SAMMSON: variants seen among roughly 807,000 people sequenced by gnomAD.
SAMMSON encodes long intergenic non-protein coding RNA 1212.
At chr3:70,025,454 G>T (rs1420919808) in intron 3 of SAMMSON, among the ~76,000 whole-genome samples, 1 of 152,098 alleles carries the variant, frequency 6.6e-6, no homozygotes, top group Non-Finnish European at 1.5e-5. Flanking sequence ...TGCTGACCAG[G>T]CTGGTCTTGA....
At chr3:70,271,099 T>G (rs1386440364) in intron 6 of SAMMSON, among the ~76,000 whole-genome samples, 2 of 152,010 alleles carry the variant, frequency 1.3e-5, no homozygotes, top group African/African-American at 4.8e-5. Flanking sequence ...TTATCGAAGC[T>G]GGGAAGTTGT....
chr3:70,080,034 A>G (rs985696983), intron 4 of SAMMSON, among the ~76,000 whole-genome samples: 3 of 152,214 alleles, frequency 2.0e-5, no homozygotes, highest in Non-Finnish European at 4.4e-5. Flanking sequence ...CCATGGCTAG[A>G]CTTTGCCTGG....
intron 6 of SAMMSON, among the ~76,000 whole-genome samples, chr3:70,290,600 TC>T (rs1395099856): frequency 6.6e-6 from 1 of 152,216 alleles, no homozygotes; most frequent in Non-Finnish European, 1.5e-5. Flanking sequence ...AGTTCGAGTT[TC>T]CGGGCTGTTT....
chr3:70,025,303 G>A (rs992857365), intron 3 of SAMMSON: 1 of 152,074 alleles, frequency 6.6e-6, no homozygotes, highest in Non-Finnish European at 1.5e-5. Context: ...GGAGTGCAGA[G>A]GCACAATCTC....
intron 7 of SAMMSON, among the ~76,000 whole-genome samples, chr3:70,348,464 G>T (rs530800207): frequency 6.6e-6 from 1 of 152,002 alleles, no homozygotes; most frequent in Non-Finnish European, 1.5e-5. Context: ...TCTTCACACC[G>T]CATCCTTACA....
intron 4 of SAMMSON, among the ~76,000 whole-genome samples, chr3:70,199,371 T>A (rs541419392): frequency 2.7e-5 from 4 of 150,652 alleles, no homozygotes; most frequent in Non-Finnish European, 5.9e-5. Flanking sequence ...GTAGATTTTA[T>A]TTACAAAAGA....
At chr3:70,250,446 C>CACACACAA (rs1284023911) in intron 6 of SAMMSON, among the ~76,000 whole-genome samples, 3 of 136,502 alleles carry the variant, frequency 2.2e-5, no homozygotes, top group African/African-American at 7.8e-5. Flanking sequence ...CACACACACA[C>CACACACAA]ACACAAACAC....
intron 4 of SAMMSON, among the ~76,000 whole-genome samples, chr3:70,074,015 A>T (rs1265524662): frequency 6.6e-6 from 1 of 151,882 alleles, no homozygotes; most frequent in Non-Finnish European, 1.5e-5. Context: ...CTACCATATT[A>T]TTATTATTAC....
At chr3:70,219,410 T>C (rs1280816741) in intron 4 of SAMMSON, among the ~76,000 whole-genome samples, 1 of 152,174 alleles carries the variant, frequency 6.6e-6, no homozygotes, top group Non-Finnish European at 1.5e-5. Context: ...TTTAGAGGTG[T>C]TGATTTTTGA....
At chr3:70,019,646 G>C (rs1314688759) in intron 3 of SAMMSON, among the ~76,000 whole-genome samples, 3 of 152,142 alleles carry the variant, frequency 2.0e-5, no homozygotes, top group African/African-American at 7.2e-5. Flanking sequence ...TGGTTATTCT[G>C]CTCGTCAGTT....
intron 4 of SAMMSON, among the ~76,000 whole-genome samples, chr3:70,100,955 ATT>A (rs2067343084): frequency 6.6e-6 from 1 of 152,226 alleles, no homozygotes; most frequent in South Asian, 2.1e-4. Flanking sequence ...TGAGAATCAC[ATT>A]GTTTATCCAA....
At chr3:70,222,418 A>G (rs1270251376) in intron 4 of SAMMSON, among the ~76,000 whole-genome samples, 1 of 152,126 alleles carries the variant, frequency 6.6e-6, no homozygotes, top group Admixed American at 6.6e-5. Flanking sequence ...TTTTAAATCT[A>G]TTTTAATAAT....
rs572631767 is a variant in SAMMSON, at chr3:70,376,343, T to G, written n.914-13231T>G. ...TCAAAATTTCCACTTGAGACATTTA[T>G]GATATGCTGGAATGAAGTTATAAAT... On this transcript the variant is annotated intron_variant and non_coding_transcript_variant, in intron 9 of 9. Transcript: ENST00000642114. 1.6e-3 allele frequency among the ~76,000 whole-genome samples: 243 copies of G among 152,338 alleles called. 1 individual carries two copies. The highest frequency in any genetic ancestry group is 2.4e-3 in the Non-Finnish European group (163 of 68,020).
intron 3 of SAMMSON, among the ~76,000 whole-genome samples, chr3:70,062,377 A>G (rs974919942): frequency 6.6e-6 from 1 of 152,094 alleles, no homozygotes; most frequent in African/African-American, 2.4e-5. Context: ...AAAACCGGAC[A>G]AATACTGGCA....
chr3:70,048,237 G>T (rs2067134280), intron 3 of SAMMSON, among the ~76,000 whole-genome samples: 1 of 151,990 alleles, frequency 6.6e-6, no homozygotes, highest in Non-Finnish European at 1.5e-5. Context: ...AGTGGAAAGG[G>T]CAAACTATTA....
chr3:70,144,466 G>T (rs2067540085), intron 4 of SAMMSON, among the ~76,000 whole-genome samples: 1 of 152,026 alleles, frequency 6.6e-6, no homozygotes, highest in Admixed American at 6.6e-5. Flanking sequence ...AGATTCCCAA[G>T]TCCATTCATT....
intron 2 of SAMMSON, among the ~76,000 whole-genome samples, chr3:70,399,335 G>T (rs1701119471): frequency 6.6e-6 from 1 of 152,142 alleles, no homozygotes; most frequent in Non-Finnish European, 1.5e-5. Context: ...GGTAGAAATT[G>T]GGAAGAGGTG....
intron 7 of SAMMSON, among the ~76,000 whole-genome samples, chr3:70,319,724 GC>G (rs1702522947): frequency 6.6e-6 from 1 of 151,924 alleles, no homozygotes; most frequent in Non-Finnish European, 1.5e-5. Flanking sequence ...ATACAAATTT[GC>G]TTAAAAGTAT....
At chr3:70,102,726 C>T (rs1209991872) in intron 4 of SAMMSON, among the ~76,000 whole-genome samples, 4 of 152,178 alleles carry the variant, frequency 2.6e-5, no homozygotes, top group Admixed American at 2.0e-4. Context: ...AGGATTGCAT[C>T]TTGACCCTGG....
Sources: gnomAD v4.1 joint callset for allele counts (sites outside exome capture counted in the v4.1 genomes callset) on GRCh38, gnomAD v4.1.1 for gene constraint, MANE v1.5 for transcripts, NCBI Gene and HGNC (gene_info 2026-07-23, HGNC 2026-07-21) for gene names.